The following SPTB variants were observed in gnomAD, a reference collection of about 807,000 sequenced individuals.
The protein encoded by SPTB is spectrin beta, erythrocytic.
In SPTB, 45 loss-of-function variants were observed where a neutral mutation model predicts 256.2. The observed-to-expected ratio is 0.18, with a 90% CI of 0.14 to 0.23. The LOEUF (loss-of-function observed/expected upper bound fraction) is 0.23, where lower values mean the gene tolerates loss of function less well. Ranked by LOEUF, SPTB falls within the 10% of genes least tolerant of loss-of-function variation. The pLI is 1.00. For missense variants in SPTB, 2,715 were observed against 3,040.4 expected (o/e 0.89, Z 2.52); for synonymous variants, 1,231 against 1,243.1 (o/e 0.99, Z 0.21).
At chr14:64,876,352 G>A (rs894572645) in intron 1 of SPTB, among the ~76,000 whole-genome samples, 2 of 151,998 alleles carry the variant, frequency 1.3e-5, no homozygotes, top group African/African-American at 2.4e-5. Flanking sequence ...GGCTGGTCTC[G>A]AACTCCTGAG....
chr14:64,786,994 T>C lies in SPTB; in HGVS notation c.2971A>G (p.Ile991Val), dbSNP rs1357023468. Reference sequence around the variant, plus strand: ...CCTGACAACTTCCTCTGGATGGCGATGATACCTGCCAGGTCCCGCCCCAGG... The same window carrying C: ...CCTGACAACTTCCTCTGGATGGCGACGATACCTGCCAGGTCCCGCCCCAGG... Reference protein sequence around the residue: ...KDLGRDLAGIIAIQRKLSGLE... With the variant: ...KDLGRDLAGIVAIQRKLSGLE... Residue 991 changes from isoleucine to valine, a missense_variant, in exon 16 of 36, where the codon ATC becomes GTC. Physicochemically the swap from Ile to Val is conservative, Grantham distance 29. This residue lies in a region of SPTB where 2,239 missense variants were observed against 2,384.4 expected (regional missense o/e 0.94). Transcript: ENST00000644917. The surrounding 1 kb of genome is among the most constrained non-coding windows in gnomAD (Gnocchi z 5.6). 6.2e-7 allele frequency: 1 copy of C among 1,614,158 alleles called. No individual in the cohort carries two copies.
intron 32 of SPTB, among the ~76,000 whole-genome samples, chr14:64,765,357 G>A (rs888932261): frequency 8.5e-5 from 13 of 152,050 alleles, no homozygotes; most frequent in East Asian, 1.9e-4. Flanking sequence ...CTTTCTTCTC[G>A]GTCAGCTGCT....
rs149678681 is a variant in SPTB, at chr14:64,770,933, G to A, written c.5750C>T (p.Ser1917Phe). The A allele has an allele frequency of 1.4e-3, 2,327 of 1,614,110 alleles. 13 individuals carry two copies. The highest frequency in any genetic ancestry group is 1.6e-3 in the Non-Finnish European group (1,932 of 1,180,022). Residue 1917 changes from serine to phenylalanine, a missense_variant, in exon 27 of 36, where the codon TCC becomes TTC. By Grantham distance (155) the Ser-to-Phe change is radical. This residue lies in a region of SPTB where 2,239 missense variants were observed against 2,384.4 expected (regional missense o/e 0.94). Coordinates refer to ENST00000644917, the MANE Select transcript of SPTB (RefSeq NM_001355436.2). ...RFFSMARDLL[S>F]WMESIIRQIE... ...CTGCCGGATGATGCTCTCCATCCAG[G>A]AGAGGAGGTCACGGGCCATGCTGAA...
rs186859277 is a variant in SPTB at position 64,786,570 on chromosome 14, G to A, written c.3395C>T (p.Thr1132Met). 44 of 1,614,150 alleles carry A rather than the reference G, an allele frequency of 2.7e-5. No homozygotes were observed. The highest frequency in any genetic ancestry group is 2.7e-4 in the Admixed American group (16 of 60,028). The change falls in exon 16 of 36, where the codon ACG (threonine) becomes ATG (methionine). Residue 1132 changes from threonine (T) to methionine (M), a missense_variant. Coordinates refer to ENST00000644917, the MANE Select transcript of SPTB (RefSeq NM_001355436.2). This position sits in a 1 kb window ranked among gnomAD's most constrained non-coding sequence, Gnocchi z 5.6. ...ESGEKVIQGQ[T>M]DPEYLLLGQR... ...GCCCAGAAGCAGATACTCTGGGTCC[G>A]TCTGGCCTTGGATCACTTTCTCCCC...
At chr14:64,833,021 T>C (rs1256956066) in intron 1 of SPTB, among the ~76,000 whole-genome samples, 2 of 152,188 alleles carry the variant, frequency 1.3e-5, no homozygotes, top group Non-Finnish European at 2.9e-5. Context: ...AAACCCATAA[T>C]AAATCACAGA....
chr14:64,817,325 C>G (rs552637397), intron 2 of SPTB, among the ~76,000 whole-genome samples: 1 of 152,320 alleles, frequency 6.6e-6, no homozygotes, highest in Non-Finnish European at 1.5e-5. Flanking sequence ...AGCTGCTGAT[C>G]CAATTTTTTT....
chr14:64,860,113 G>C (rs1288211176), intron 1 of SPTB, among the ~76,000 whole-genome samples: 1 of 152,162 alleles, frequency 6.6e-6, no homozygotes. Context: ...AATAGTTTGG[G>C]ATGGCAGGAG....
At chr14:64,876,203 G>A (rs959003094) in intron 1 of SPTB, among the ~76,000 whole-genome samples, 3 of 152,094 alleles carry the variant, frequency 2.0e-5, no homozygotes, top group African/African-American at 4.8e-5. Flanking sequence ...GTGCAGTGGC[G>A]CGATGTCGGT....
At chr14:64,798,571 C>T (rs969646856) in intron 9 of SPTB, among the ~76,000 whole-genome samples, 1 of 152,188 alleles carries the variant, frequency 6.6e-6, no homozygotes, top group Admixed American at 6.5e-5. Context: ...ATGCAAGGTC[C>T]CCACCCTGAG....
chr14:64,841,286 G>A lies in SPTB; in HGVS notation c.-51-18141C>T, dbSNP rs1022915544. On this transcript the variant is annotated intron_variant, in intron 1 of 35. Coordinates refer to ENST00000644917, the MANE Select transcript of SPTB (RefSeq NM_001355436.2). The surrounding 1 kb of genome is among the most constrained non-coding windows in gnomAD (Gnocchi z 4.6). ...ATTCAAACGCAGGCAGTCTGAGTCAGAGCCCCTGCCCTTACCTCCTGTGAT... is the reference window on the plus strand; with the variant it reads ...ATTCAAACGCAGGCAGTCTGAGTCAAAGCCCCTGCCCTTACCTCCTGTGAT... Among the ~76,000 whole-genome samples, 11 of 152,186 alleles carry A rather than the reference G, an allele frequency of 7.2e-5. No individual in the cohort carries two copies. Among genetic ancestry groups the A allele is most frequent in the Non-Finnish European group, 1.5e-4 (10 of 68,032 alleles).
chr14:64,779,679 T>G lies in SPTB; in HGVS notation c.4473+46A>C, dbSNP rs939138327. On this transcript the variant is annotated intron_variant, in intron 21 of 35. Transcript: ENST00000644917. This position sits in a 1 kb window ranked among gnomAD's most constrained non-coding sequence, Gnocchi z 4.2. ...GGCAGCCAGCTACTCTGATGGCAGCTGGTGGCTCAGCCTCAGGAGGTAGGG... is the reference window on the plus strand; with the variant it reads ...GGCAGCCAGCTACTCTGATGGCAGCGGGTGGCTCAGCCTCAGGAGGTAGGG... The G allele has an allele frequency of 6.2e-7, 1 of 1,611,810 alleles. No homozygotes were observed. Among genetic ancestry groups the G allele is most frequent in the African/African-American group, 1.3e-5 (1 of 75,014 alleles).
At position 64,782,511 on chromosome 14, in the gene SPTB, G is replaced by C. The variant is rs369444753; in HGVS notation, c.4045C>G (p.Leu1349Val). The C allele has an allele frequency of 1.9e-6, 3 of 1,614,112 alleles. No individual in the cohort carries two copies. The African/African-American group carries it at 4.0e-5, about 22-fold the overall frequency. The change falls in exon 20 of 36, where the codon CTG (leucine) becomes GTG (valine). Residue 1349 changes from leucine (L) to valine (V), a missense_variant. By Grantham distance (32) the Leu-to-Val change is conservative. This residue lies in a region of SPTB where 2,239 missense variants were observed against 2,384.4 expected (regional missense o/e 0.94). Coordinates refer to ENST00000644917, the MANE Select transcript of SPTB (RefSeq NM_001355436.2). ...LMDEKPQFTA[L>V]VSQKLEALHR... Reference sequence around the variant, plus strand: ...AGGGCTTCCAGCTTTTGGGACACCAGGGCTGTAAACTGGGGCTTCTCATCC... The same window carrying C: ...AGGGCTTCCAGCTTTTGGGACACCACGGCTGTAAACTGGGGCTTCTCATCC...
Position 64,786,667 on chromosome 14 carries a change from G to A in SPTB, c.3298C>T (p.Leu1100=). Residue 1100 remains leucine (L), a synonymous_variant, in exon 16 of 36, where the codon CTG becomes TTG. Coordinates refer to ENST00000644917, the MANE Select transcript of SPTB (RefSeq NM_001355436.2). This position sits in a 1 kb window ranked among gnomAD's most constrained non-coding sequence, Gnocchi z 5.6. ...TCCTTGATACCTGCATGCTGCTGCA[G>A]GAGCTGCTCAGCCTCTGGGAGGGAT... ...PESLPEAEQL[L]QQHAGIKDEI... 2 of 1,614,124 alleles carry A rather than the reference G, an allele frequency of 1.2e-6. No individual in the cohort carries two copies. Among genetic ancestry groups the A allele is most frequent in the Non-Finnish European group, 1.7e-6 (2 of 1,179,972 alleles).
At chr14:64,803,455 CT>C (rs2082926078) in intron 4 of SPTB, 151 bp downstream of exon 4, 3 of 934,050 alleles carry the variant, frequency 3.2e-6, no homozygotes, top group Non-Finnish European at 5.0e-6. Flanking sequence ...AAGATGGTTA[CT>C]CCTTCCTACA....
intron 2 of SPTB, among the ~76,000 whole-genome samples, chr14:64,813,405 C>A (rs779260106): frequency 3.3e-5 from 5 of 152,168 alleles, no homozygotes; most frequent in Non-Finnish European, 5.9e-5. Flanking sequence ...TGAAAACAAT[C>A]ATTTCATGGT....
chr14:64,796,449 G>C lies in SPTB; in HGVS notation c.1341+108C>G. ...GGATCACGGGGGAGCTGTGCTGCAA[G>C]GCACGAGGAGAGGCTGTGAGAAGCC... On this transcript the variant is annotated intron_variant, in intron 11 of 35. Transcript: ENST00000644917. This position sits in a 1 kb window ranked among gnomAD's most constrained non-coding sequence, Gnocchi z 4.1. The C allele has an allele frequency of 6.8e-7, 1 of 1,462,680 alleles. No homozygotes were observed. The highest frequency in any genetic ancestry group is 1.1e-5 in the South Asian group (1 of 87,034). 90.6% of individuals were successfully genotyped at this position (1,462,680 alleles called of 1,614,324 possible).
In SPTB at chr14:64,774,388, CG is replaced by C. The variant is rs549990894; in HGVS notation, c.4973+8del. The C allele has an allele frequency of 1.1e-4, 168 of 1,585,560 alleles. No homozygotes were observed. The African/African-American group carries it at 1.8e-3, about 17-fold the overall frequency. On this transcript the variant is annotated splice_region_variant and intron_variant, in intron 24 of 35. Coordinates refer to ENST00000644917, the MANE Select transcript of SPTB (RefSeq NM_001355436.2). ...CTCCTGACCGAGTCACCACAGGGGG[CG>C]CACGCACCCCTCAGGGTGGCCTGCA...
At position 64,844,149 on chromosome 14, in the gene SPTB, T is replaced by C. The variant is rs563903544; in HGVS notation, c.-51-21004A>G. Among the ~76,000 whole-genome samples the C allele has an allele frequency of 1.8e-4, 27 of 152,060 alleles. No individual in the cohort carries two copies. The South Asian group carries it at 5.2e-3, about 29-fold the overall frequency. On this transcript the variant is annotated intron_variant, in intron 1 of 35. Transcript: ENST00000644917. The surrounding 1 kb of genome is among the most constrained non-coding windows in gnomAD (Gnocchi z 4.1). ...CTGGGTAGAGAATCTTCACGAAGAA[T>C]GTGATGGCCATGATCTCCAAGAGTG...
Position 64,770,983 on chromosome 14 carries a change from C to G in SPTB, c.5700G>C (p.Val1900=). Residue 1900 remains valine, a synonymous_variant, in exon 27 of 36, where the codon GTG becomes GTC. Coordinates refer to ENST00000644917, the MANE Select transcript of SPTB (RefSeq NM_001355436.2). ...DACAGRRTQL[V]DTADKFRFFS... ...AGAAGCGGAATTTATCCGCCGTGTC[C>G]ACTAGCTGGGTCCGGCGCCCGGCAC... The G allele has an allele frequency of 6.2e-7, 1 of 1,614,136 alleles. No homozygotes were observed. Among genetic ancestry groups the G allele is most frequent in the Non-Finnish European group, 8.5e-7 (1 of 1,180,040 alleles).
Sources: allele counts gnomAD v4.1 joint callset (sites outside exome capture counted in the v4.1 genomes callset), GRCh38; gene constraint gnomAD v4.1.1; regional missense constraint gnomAD v4.1.1; non-coding constraint Gnocchi (gnomAD v3.1); transcripts MANE v1.5; gene names NCBI Gene and HGNC (gene_info 2026-07-23, HGNC 2026-07-21).